CTNNBL1: variants seen among roughly 807,000 people sequenced by gnomAD.
CTNNBL1 encodes catenin beta like 1.
Under a neutral mutation model 72.7 loss-of-function variants are expected in CTNNBL1, and 31 were observed. The observed-to-expected ratio is 0.43, with a 90% CI of 0.32 to 0.58. CTNNBL1 has a LOEUF of 0.58. Among genes scored for constraint, CTNNBL1 ranks in the 20% least tolerant of loss-of-function variants. CTNNBL1 has a pLI of 0.08. For synonymous variants in CTNNBL1, 240 were observed against 267.3 expected, an observed-to-expected ratio of 0.90 and a Z score of 1.00; for missense variants, 534 against 725.1, an observed-to-expected ratio of 0.74 and a Z score of 3.03.
At chr20:37,739,625 C>G (rs2073197847) in intron 3 of CTNNBL1, among the ~76,000 whole-genome samples, 1 of 152,156 alleles carries the variant, frequency 6.6e-6, no homozygotes, top group Admixed American at 6.5e-5. Context: ...AATTCTCCCC[C>G]CAGCAGCAGC....
intron 1 of CTNNBL1, among the ~76,000 whole-genome samples, chr20:37,707,533 T>C (rs541606735): frequency 6.6e-6 from 1 of 152,354 alleles, no homozygotes; most frequent in African/African-American, 2.4e-5. Flanking sequence ...TTCATAGAAC[T>C]GAAGAGAGTT....
intron 1 of CTNNBL1, among the ~76,000 whole-genome samples, chr20:37,710,666 C>A (rs567430927): frequency 6.6e-6 from 1 of 152,292 alleles, no homozygotes; most frequent in African/African-American, 2.4e-5. Context: ...CAAATAGGGG[C>A]TTAACCTGGC....
rs188329617 is a variant in CTNNBL1 at position 37,772,736 on chromosome 20, C to A, written c.751-4609C>A. Among the ~76,000 whole-genome samples, 20 of 152,264 alleles carry A rather than the reference C, an allele frequency of 1.3e-4. No homozygotes were observed. The East Asian group carries it at 2.5e-3, about 19-fold the overall frequency. On this transcript the variant is annotated intron_variant, in intron 7 of 15. Coordinates refer to ENST00000361383, the MANE Select transcript of CTNNBL1 (RefSeq NM_030877.5). ...TTCTAGAGTAATTATGTCTAGATTG[C>A]TTGATAAAACCTTACGATTTGACTG...
chr20:37,857,762 A>C (rs1462840066), intron 13 of CTNNBL1, among the ~76,000 whole-genome samples: 1 of 152,146 alleles, frequency 6.6e-6, no homozygotes, highest in Non-Finnish European at 1.5e-5. Flanking sequence ...GTGGCCATAA[A>C]GCTACCAACA....
chr20:37,841,318 C>T (rs557244435), intron 12 of CTNNBL1, among the ~76,000 whole-genome samples: 1 of 152,280 alleles, frequency 6.6e-6, no homozygotes, highest in South Asian at 2.1e-4. Flanking sequence ...TCTTAGTAGT[C>T]ACGTCACCCT....
At chr20:37,742,436 A>G (rs889714103) in intron 3 of CTNNBL1, among the ~76,000 whole-genome samples, 18 of 152,222 alleles carry the variant, frequency 1.2e-4, no homozygotes, top group Admixed American at 1.3e-4. Context: ...TCTGATTTGT[A>G]TTACAGTTAT....
intron 9 of CTNNBL1, among the ~76,000 whole-genome samples, chr20:37,778,140 G>A (rs760180737): frequency 1.3e-5 from 2 of 152,086 alleles, no homozygotes; most frequent in African/African-American, 2.4e-5. Context: ...GCAGTGGGGT[G>A]GGGGTCAAGG....
chr20:37,832,715 C>G (rs1432046976), intron 11 of CTNNBL1, among the ~76,000 whole-genome samples: 1 of 152,138 alleles, frequency 6.6e-6, no homozygotes, highest in Non-Finnish European at 1.5e-5. Flanking sequence ...ATAAGCAGGC[C>G]CATCTATGGA....
intron 10 of CTNNBL1, among the ~76,000 whole-genome samples, chr20:37,783,414 T>G (rs1041502997): frequency 6.6e-6 from 1 of 152,182 alleles, no homozygotes; most frequent in African/African-American, 2.4e-5. Flanking sequence ...ATGGGTTTGG[T>G]TGGCTCTTAC....
In CTNNBL1 at chr20:37,838,188, C is replaced by CT. The variant is rs2072271633; in HGVS notation, c.1214-1913dup. Among the ~76,000 whole-genome samples, 4 of 152,332 alleles carry CT rather than the reference C, an allele frequency of 2.6e-5. No homozygotes were observed. The South Asian group carries it at 8.3e-4, about 32-fold the overall frequency. Reference sequence around the variant, plus strand: ...CCTGACGTTAGAAGCAGCATTTAGTCTGAGTTGGGGAGTCACTGGAGTGTT... The same window carrying CT: ...CCTGACGTTAGAAGCAGCATTTAGTCTTGAGTTGGGGAGTCACTGGAGTGTT... On this transcript the variant is annotated intron_variant, in intron 11 of 15. Transcript: ENST00000361383.
chr20:37,715,003 G>A (rs2072973806), intron 1 of CTNNBL1, among the ~76,000 whole-genome samples: 2 of 152,258 alleles, frequency 1.3e-5, no homozygotes, highest in South Asian at 2.1e-4. Context: ...CCCCGTTCAC[G>A]TGACTAGTTT....
chr20:37,702,153 T>C (rs1253120982), intron 1 of CTNNBL1, among the ~76,000 whole-genome samples: 1 of 152,226 alleles, frequency 6.6e-6, no homozygotes, highest in Non-Finnish European at 1.5e-5. Flanking sequence ...AGTGCTGGGA[T>C]TACAAGCGTG....
rs148002717 is a variant in CTNNBL1, at chr20:37,822,010, A to G, written c.1214-18092A>G. Among the ~76,000 whole-genome samples, 858 of 152,186 alleles carry G rather than the reference A, an allele frequency of 5.6e-3. 7 individuals are homozygous for G. In the Middle Eastern group the frequency reaches 0.075, roughly 13 times the overall value. Reference sequence around the variant, plus strand: ...AATTTTATAGCTGTTGAGATCTTCCAGATCTCAGGACTGTTCAATAGACAG... The same window carrying G: ...AATTTTATAGCTGTTGAGATCTTCCGGATCTCAGGACTGTTCAATAGACAG... On this transcript the variant is annotated intron_variant, in intron 11 of 15. Coordinates refer to ENST00000361383, the MANE Select transcript of CTNNBL1 (RefSeq NM_030877.5).
chr20:37,858,080 C>CTAG (rs1201791732), intron 13 of CTNNBL1, among the ~76,000 whole-genome samples: 2 of 152,180 alleles, frequency 1.3e-5, no homozygotes, highest in Non-Finnish European at 2.9e-5. Context: ...ACCTGTAGTC[C>CTAG]TAGCTATTTG....
intron 12 of CTNNBL1, among the ~76,000 whole-genome samples, chr20:37,841,221 T>TTACCAAGAAAG (rs1374787915): frequency 6.6e-6 from 1 of 152,246 alleles, no homozygotes; most frequent in Non-Finnish European, 1.5e-5. Context: ...GGTTTAAGAC[T>TTACCAAGAAAG]GTCTCTTTGA....
chr20:37,824,620 C>T (rs1390882336), intron 11 of CTNNBL1, among the ~76,000 whole-genome samples: 1 of 152,210 alleles, frequency 6.6e-6, no homozygotes, highest in Non-Finnish European at 1.5e-5. Context: ...GTTTATTTCT[C>T]TCTCAGGTAA....
chr20:37,716,014 C>T (rs1261220416), intron 1 of CTNNBL1, among the ~76,000 whole-genome samples: 1 of 151,306 alleles, frequency 6.6e-6, no homozygotes, highest in East Asian at 1.9e-4. Context: ...TTTTTAAAGG[C>T]AACCAGTTCT....
chr20:37,713,790 A>G (rs1457376596), intron 1 of CTNNBL1, among the ~76,000 whole-genome samples: 1 of 152,218 alleles, frequency 6.6e-6, no homozygotes, highest in African/African-American at 2.4e-5. Flanking sequence ...ATAAAAGAAT[A>G]TACGTTTTCT....
intron 11 of CTNNBL1, among the ~76,000 whole-genome samples, chr20:37,811,205 A>C (rs545662033): frequency 6.6e-6 from 1 of 152,290 alleles, no homozygotes; most frequent in East Asian, 1.9e-4. Flanking sequence ...AGGATATACC[A>C]AGGAACCTCA....
Sources: gnomAD v4.1 joint callset for allele counts (sites outside exome capture counted in the v4.1 genomes callset) on GRCh38, gnomAD v4.1.1 for gene constraint, MANE v1.5 for transcripts, NCBI Gene and HGNC (gene_info 2026-07-23, HGNC 2026-07-21) for gene names.